The following ALDH9A1 variants were observed in gnomAD, a reference collection of about 807,000 sequenced individuals.
ALDH9A1 encodes aldehyde dehydrogenase 9 family member A1, also known as 4-trimethylaminobutyraldehyde dehydrogenase.
Under a neutral mutation model 56.6 loss-of-function variants are expected in ALDH9A1, and 42 were observed. That is an observed-to-expected ratio of 0.74 (90% confidence interval 0.58 to 0.96). The LOEUF (loss-of-function observed/expected upper bound fraction) is 0.96, where lower values mean the gene tolerates loss of function less well. Ranked by LOEUF, ALDH9A1 falls within the 40% of genes least tolerant of loss-of-function variation. The probability of loss-of-function intolerance (pLI) is 0.00; values close to 1 mark genes in which losing one functional copy is unlikely to be tolerated. For missense variants in ALDH9A1, 661 were observed against 651.5 expected (o/e 1.01, Z -0.16); for synonymous variants, 242 against 236.0 (o/e 1.03, Z -0.23).
In ALDH9A1 at chr1:165,683,025, C is replaced by G; in HGVS notation, c.413G>C (p.Trp138Ser). 1 of 1,614,056 alleles carries G rather than the reference C, an allele frequency of 6.2e-7. No homozygotes were observed. The highest frequency in any genetic ancestry group is 1.1e-5 in the South Asian group (1 of 91,084). The change falls in exon 3 of 11, where the codon TGG becomes TCG. Residue 138 changes from tryptophan to serine, a missense_variant. Coordinates refer to ENST00000354775, the MANE Select transcript of ALDH9A1 (RefSeq NM_000696.4). ...GCCCGCATAATACTCCAGGCACTGC[C>G]AGGAAATGTCAATGTCCAAGCGGGC... is the stretch of plus-strand genomic sequence containing the variant. Reference protein sequence around the residue: ...FEARLDIDISWQCLEYYAGLA... With the variant: ...FEARLDIDISSQCLEYYAGLA...
intron 2 of ALDH9A1, among the ~76,000 whole-genome samples, chr1:165,687,569 G>A (rs187285835): frequency 6.7e-6 from 1 of 149,372 alleles, no homozygotes; most frequent in East Asian, 2.0e-4. Flanking sequence ...AGACAGTGGA[G>A]CAACATCTTT....
At position 165,667,433 on chromosome 1, in the gene ALDH9A1, TGTC is replaced by T. The variant is rs762574885; in HGVS notation, c.1222_1224del (p.Asp408del). On this transcript the variant is annotated inframe_deletion, in exon 9 of 11. Coordinates refer to ENST00000354775, the MANE Select transcript of ALDH9A1 (RefSeq NM_000696.4). ...AAGATCTCTTCCTTCACACAGGTCATGTCGTCTCTGCAATTAGCTGCAAACATT... is the reference window on the plus strand; with the variant it reads ...AAGATCTCTTCCTTCACACAGGTCATGTCTCTGCAATTAGCTGCAAACATT... The T allele has an allele frequency of 3.1e-6, 5 of 1,613,910 alleles. No individual in the cohort carries two copies. The highest frequency in any genetic ancestry group is 4.2e-6 in the Non-Finnish European group (5 of 1,179,970).
At chr1:165,698,288 A>G in intron 1 of ALDH9A1, 90 bp downstream of exon 1, 11 of 1,494,142 alleles carry the variant, frequency 7.4e-6, no homozygotes, top group Non-Finnish European at 9.7e-6. Flanking sequence ...GCTCAAGTCA[A>G]CGCTGCAGAA....
chr1:165,667,234 G>A lies in ALDH9A1; in HGVS notation c.1349+75C>T, dbSNP rs1649034873. ...GAGGGCAAACTAAAGTGAGAGAATA[G>A]GATCAATTAAATATCTAAGCAGATA... On this transcript the variant is annotated intron_variant, in intron 9 of 10. Transcript: ENST00000354775. 10 of 1,570,344 alleles carry A rather than the reference G, an allele frequency of 6.4e-6. No homozygotes were observed. In the African/African-American group the frequency reaches 6.8e-5, roughly 11 times the overall value.
At chr1:165,694,022 A>G (rs1649982079) in intron 2 of ALDH9A1, among the ~76,000 whole-genome samples, 1 of 139,516 alleles carries the variant, frequency 7.2e-6, no homozygotes, top group Non-Finnish European at 1.5e-5. Context: ...CAATGAGATC[A>G]CTTGGACACA....
chr1:165,667,544 T>C (rs1182682762), intron 8 of ALDH9A1, 94 bp from the exon 9 acceptor site: 2 of 1,394,464 alleles, frequency 1.4e-6, no homozygotes, highest in Non-Finnish European at 9.8e-7. Context: ...TCTCACTATG[T>C]TGCCCAGTCT....
intron 2 of ALDH9A1, among the ~76,000 whole-genome samples, chr1:165,689,232 T>C (rs1649805767): frequency 6.6e-6 from 1 of 152,220 alleles, no homozygotes; most frequent in Non-Finnish European, 1.5e-5. Flanking sequence ...AATATTTTGA[T>C]ATTTCTGCAT....
At chr1:165,673,595 T>C (rs1042762701) in intron 6 of ALDH9A1, among the ~76,000 whole-genome samples, 3 of 152,134 alleles carry the variant, frequency 2.0e-5, no homozygotes, top group Non-Finnish European at 4.4e-5. Context: ...CAGCACTGAT[T>C]GGCCAACTCT....
chr1:165,681,877 T>TA (rs1438791055), intron 4 of ALDH9A1, among the ~76,000 whole-genome samples: 1 of 152,156 alleles, frequency 6.6e-6, no homozygotes, highest in African/African-American at 2.4e-5. Flanking sequence ...ATTAAATAAA[T>TA]AAAACCTGAG....
At chr1:165,697,215 A>T (rs559913318) in intron 1 of ALDH9A1, among the ~76,000 whole-genome samples, 134 of 152,368 alleles carry the variant, frequency 8.8e-4, no homozygotes, top group African/African-American at 3.0e-3. Flanking sequence ...TAAGCACTGG[A>T]TTAAAAAGTT....
intron 2 of ALDH9A1, among the ~76,000 whole-genome samples, chr1:165,684,703 T>G (rs1185410207): frequency 6.6e-6 from 1 of 152,176 alleles, no homozygotes; most frequent in Non-Finnish European, 1.5e-5. Flanking sequence ...ACAGAACATT[T>G]CAAATACAGG....
At chr1:165,681,667 A>G (rs1649555322) in intron 4 of ALDH9A1, among the ~76,000 whole-genome samples, 1 of 152,228 alleles carries the variant, frequency 6.6e-6, no homozygotes, top group African/African-American at 2.4e-5. Flanking sequence ...TTTGATAAGA[A>G]GCTTATCAAA....
At chr1:165,684,781 T>C (rs1053025605) in intron 2 of ALDH9A1, among the ~76,000 whole-genome samples, 3 of 152,204 alleles carry the variant, frequency 2.0e-5, no homozygotes, top group African/African-American at 7.2e-5. Context: ...AGTGAACAAA[T>C]AGGAAGTAAT....
At chr1:165,694,451 T>C (rs989266708) in intron 2 of ALDH9A1, among the ~76,000 whole-genome samples, 6 of 152,092 alleles carry the variant, frequency 3.9e-5, no homozygotes, top group African/African-American at 1.4e-4. Context: ...CAATTTTTTT[T>C]AGTTGACAAA....
In ALDH9A1 at chr1:165,682,203, T is replaced by C; in HGVS notation, c.496A>G (p.Thr166Ala). ...IQLPGGSFGY[T>A]RREPLGVCVG... ...CATACCCCAAGTGGTTCTCTTCTGG[T>C]ATAACCAAACGATCCACCTGGGAGC... The change falls in exon 4 of 11, where the codon ACC (threonine) becomes GCC (alanine). Residue 166 changes from threonine (T) to alanine (A), a missense_variant. Physicochemically the swap from Thr to Ala is moderately conservative, Grantham distance 58 (BLOSUM62 0). Transcript: ENST00000354775. 1 of 1,613,880 alleles carries C rather than the reference T, an allele frequency of 6.2e-7. No homozygotes were observed. Among genetic ancestry groups the C allele is most frequent in the Non-Finnish European group, 8.5e-7 (1 of 1,179,858 alleles).
chr1:165,672,750 AACATGGCG>A (rs1352355685), intron 6 of ALDH9A1, among the ~76,000 whole-genome samples: 1 of 152,064 alleles, frequency 6.6e-6, no homozygotes, highest in East Asian at 1.9e-4. Context: ...CAGCATGGGC[AACATGGCG>A]AAATCTCATC....
chr1:165,689,467 T>G (rs1220266560), intron 2 of ALDH9A1, among the ~76,000 whole-genome samples: 1 of 152,176 alleles, frequency 6.6e-6, no homozygotes, highest in Non-Finnish European at 1.5e-5. Flanking sequence ...AATCTCAATC[T>G]CTCTCACTCT....
intron 6 of ALDH9A1, among the ~76,000 whole-genome samples, chr1:165,672,904 T>C (rs992105675): frequency 1.8e-4 from 27 of 150,332 alleles, no homozygotes; most frequent in African/African-American, 5.9e-4. Context: ...GTCACTGTAC[T>C]CCAGCCTGAG....
intron 8 of ALDH9A1, among the ~76,000 whole-genome samples, chr1:165,668,204 C>T (rs577170396): frequency 2.2e-3 from 337 of 152,242 alleles, no homozygotes; most frequent in Admixed American, 3.9e-3. Flanking sequence ...GGTCTGGATG[C>T]CTTTCTCCTC....
Sources: gnomAD v4.1 joint callset for allele counts (sites outside exome capture counted in the v4.1 genomes callset) on GRCh38, gnomAD v4.1.1 for gene constraint, MANE v1.5 for transcripts, NCBI Gene and HGNC (gene_info 2026-07-23, HGNC 2026-07-21) for gene names.